CD5L: variants seen among roughly 807,000 people sequenced by gnomAD.
The protein encoded by CD5L is CD5 molecule like.
Under a neutral mutation model 40.8 loss-of-function variants are expected in CD5L, and 39 were observed. That is an observed-to-expected ratio of 0.96 (90% CI 0.74 to 1.25). The LOEUF is 1.25. Ranked by LOEUF, CD5L falls within the 50% of genes most tolerant of loss-of-function variation. The pLI is 0.00. For synonymous variants in CD5L, 192 were observed against 169.6 expected, an observed-to-expected ratio of 1.13 and a Z score of -1.03; for missense variants, 433 against 435.9, an observed-to-expected ratio of 0.99 and a Z score of 0.06.
At chr1:157,836,708 CCTAA>C (rs1403435045) in intron 2 of CD5L, among the ~76,000 whole-genome samples, 1 of 152,176 alleles carries the variant, frequency 6.6e-6, no homozygotes, top group African/African-American at 2.4e-5. Context: ...GGCTGAACAG[CCTAA>C]CTATCTCTCA....
chr1:157,831,231 C>G lies in CD5L; in HGVS notation c.*733G>C. On this transcript the variant is annotated 3_prime_UTR_variant, in exon 6 of 6. Transcript: ENST00000368174. ...TAAAATGTATTTTTGACATTCCTCTCATTAAATGTCAACCATGTTGGCAGG... is the reference window on the plus strand; with the variant it reads ...TAAAATGTATTTTTGACATTCCTCTGATTAAATGTCAACCATGTTGGCAGG... 2 of 985,090 alleles carry G rather than the reference C, an allele frequency of 2.0e-6. No homozygotes were observed. Among genetic ancestry groups the G allele is most frequent in the South Asian group, 4.7e-5 (1 of 21,274 alleles). 61.0% of individuals were successfully genotyped at this position (985,090 alleles called of 1,614,324 possible).
Position 157,833,256 on chromosome 1 carries a change from G to C in CD5L, c.975C>G (p.Cys325Trp), listed in dbSNP as rs1484414919. ...CSGEEQSLEQ[C>W]QHRFWGFHDC... Reference sequence around the variant, plus strand: ...CGTGAAACCCCCAAAATCTGTGCTGGCACTGCTCCAGGGACTGCTCCTCCC... The same window carrying C: ...CGTGAAACCCCCAAAATCTGTGCTGCCACTGCTCCAGGGACTGCTCCTCCC... Residue 325 changes from cysteine (C) to tryptophan (W), a missense_variant, in exon 5 of 6, where the codon TGC (cysteine) becomes TGG (tryptophan). Coordinates refer to ENST00000368174, the MANE Select transcript of CD5L (RefSeq NM_005894.3). 6.2e-7 allele frequency: 1 copy of C among 1,614,012 alleles called. No homozygotes were observed. The highest frequency in any genetic ancestry group is 8.5e-7 in the Non-Finnish European group (1 of 1,180,024).
In CD5L at chr1:157,838,553, T is replaced by C. The variant is rs190114482; in HGVS notation, c.55+831A>G. 2.7e-5 allele frequency among the ~76,000 whole-genome samples: 4 copies of C among 150,634 alleles called. No individual in the cohort carries two copies. The East Asian group carries it at 7.8e-4, about 29-fold the overall frequency. Reference sequence around the variant, plus strand: ...TAAAATAGCCATGGGAAAGAAGAAATAAATAAAAAATAAAAAACAAAAAAT... The same window carrying C: ...TAAAATAGCCATGGGAAAGAAGAAACAAATAAAAAATAAAAAACAAAAAAT... On this transcript the variant is annotated intron_variant, in intron 2 of 5. Coordinates refer to ENST00000368174, the MANE Select transcript of CD5L (RefSeq NM_005894.3).
In CD5L at chr1:157,840,280, C is replaced by G. The variant is rs562808268; in HGVS notation, c.29-870G>C. On this transcript the variant is annotated intron_variant, in intron 1 of 5. Transcript: ENST00000368174. ...TGCAGGATCTCTGTATATTTGGACTCCTTTCTCCATAAGGTCCCTCCTAAT... is the reference window on the plus strand; with the variant it reads ...TGCAGGATCTCTGTATATTTGGACTGCTTTCTCCATAAGGTCCCTCCTAAT... Among the ~76,000 whole-genome samples, 12 of 152,180 alleles carry G rather than the reference C, an allele frequency of 7.9e-5. No homozygotes were observed. The South Asian group carries it at 2.3e-3, about 29-fold the overall frequency.
chr1:157,835,290 G>A (rs1171133748), intron 3 of CD5L, among the ~76,000 whole-genome samples: 1 of 152,110 alleles, frequency 6.6e-6, no homozygotes, highest in African/African-American at 2.4e-5. Flanking sequence ...AAAGAGAAGA[G>A]ACTACTCATA....
intron 1 of CD5L, 71 bp from the exon 2 acceptor site, chr1:157,839,481 G>T: frequency 6.6e-7 from 1 of 1,515,918 alleles, no homozygotes; most frequent in Non-Finnish European, 9.1e-7. Context: ...ACTCTAGAAG[G>T]CCTTCACAGA....
rs1430112180 is a variant in CD5L, at chr1:157,841,233, T to C, written c.28+441A>G. ...TTAATCTCTAGATTACTCTAAGCAA[T>C]GAGAAACTGAAGAAAACTAGAAAAA... On this transcript the variant is annotated intron_variant, in intron 1 of 5. Transcript: ENST00000368174. Among the ~76,000 whole-genome samples, 22 of 152,260 alleles carry C rather than the reference T, an allele frequency of 1.4e-4. No individual in the cohort carries two copies. The East Asian group carries it at 3.9e-3, about 27-fold the overall frequency.
Position 157,831,887 on chromosome 1 carries a change from T to C in CD5L, c.*77A>G. 1 of 1,515,910 alleles carries C rather than the reference T, an allele frequency of 6.6e-7. No homozygotes were observed. The highest frequency in any genetic ancestry group is 2.4e-5 in the East Asian group (1 of 41,908). 93.9% of individuals were successfully genotyped at this position (1,515,910 alleles called of 1,614,324 possible). A position where few individuals can be genotyped will look rare whatever the true frequency, so the allele number is the denominator to read the frequency against. On this transcript the variant is annotated 3_prime_UTR_variant, in exon 6 of 6. Transcript: ENST00000368174. ...TCAAGCCTGAGCCCCAGAATGAGTATGAGGATAATCAGGGCTCAGGAGAAC... is the reference window on the plus strand; with the variant it reads ...TCAAGCCTGAGCCCCAGAATGAGTACGAGGATAATCAGGGCTCAGGAGAAC...
intron 5 of CD5L, among the ~76,000 whole-genome samples, chr1:157,832,199 A>C (rs934967365): frequency 2.6e-5 from 4 of 152,228 alleles, no homozygotes; most frequent in Non-Finnish European, 5.9e-5. Context: ...ATCTATCAAC[A>C]TATCTTATCC....
intron 2 of CD5L, among the ~76,000 whole-genome samples, chr1:157,839,053 C>G (rs1656294239): frequency 6.6e-6 from 1 of 152,182 alleles, no homozygotes; most frequent in Admixed American, 6.5e-5. Context: ...CAGGAAGAAA[C>G]CAAAAGGAAG....
At chr1:157,833,638 C>T in intron 4 of CD5L, 126 bp from the exon 5 acceptor site, 1 of 748,832 alleles carries the variant, frequency 1.3e-6, no homozygotes, top group Non-Finnish European at 2.1e-6. Flanking sequence ...CATCGTCTCA[C>T]TCTGTTGCCC....
chr1:157,829,866 A>T (rs1301319459), downstream of CD5L, among the ~76,000 whole-genome samples: 1 of 152,202 alleles, frequency 6.6e-6, no homozygotes, highest in Non-Finnish European at 1.5e-5. Flanking sequence ...AGAGGCAAGG[A>T]TGAGAAACCA....
At chr1:157,829,414 C>A (rs1323252270), downstream of CD5L, among the ~76,000 whole-genome samples, 5 of 152,234 alleles carry the variant, frequency 3.3e-5, no homozygotes, top group Non-Finnish European at 7.3e-5. Flanking sequence ...ATTTGCCTAT[C>A]TTCTATAACC....
chr1:157,828,869 A>G (rs1655971964), downstream of CD5L, among the ~76,000 whole-genome samples: 1 of 152,170 alleles, frequency 6.6e-6, no homozygotes, highest in South Asian at 2.1e-4. Flanking sequence ...TTTTCTTGGG[A>G]CTGAAGTCCT....
At position 157,834,591 on chromosome 1, in the gene CD5L, C is replaced by T; in HGVS notation, c.534G>A (p.Gln178=). The T allele has an allele frequency of 6.2e-7, 1 of 1,614,230 alleles. No individual in the cohort carries two copies. Among genetic ancestry groups the T allele is most frequent in the South Asian group, 1.1e-5 (1 of 91,086 alleles). Residue 178 remains glutamine, a synonymous_variant, in exon 4 of 6, where the codon CAG becomes CAA. Transcript: ENST00000368174. ...SLRAAKVVCR[Q]LGCGRAVLTQ... is the part of the protein sequence containing the mutation. ...TCAGTACAGCCCTCCCACATCCCAG[C>T]TGCCGGCACACCACCTTTGCGGCCC...
In CD5L at chr1:157,839,378, T is replaced by C. The variant is rs1459290753; in HGVS notation, c.55+6A>G. On this transcript the variant is annotated splice_donor_region_variant and intron_variant, in intron 2 of 5. Transcript: ENST00000368174. The stretch of plus-strand genomic sequence containing the variant: ...CCTCCCTCTCAGAAACCCCCAAAAA[T>C]CTTACCTAGGAATCCAGGTCTGGTG... The C allele has an allele frequency of 1.2e-6, 2 of 1,613,392 alleles. No individual in the cohort carries two copies. Among genetic ancestry groups the C allele is most frequent in the Non-Finnish European group, 1.7e-6 (2 of 1,179,810 alleles).
At position 157,831,828 on chromosome 1, in the gene CD5L, G is replaced by A. The variant is rs191326371; in HGVS notation, c.*136C>T. ...CCTGAGAGTAAGGCATAAGCCCAGT[G>A]TTCAGACTCCTGAGGGGATGAGGGA... On this transcript the variant is annotated 3_prime_UTR_variant, in exon 6 of 6. Coordinates refer to ENST00000368174, the MANE Select transcript of CD5L (RefSeq NM_005894.3). The A allele has an allele frequency of 5.6e-6, 8 of 1,417,032 alleles. No homozygotes were observed. The highest frequency in any genetic ancestry group is 7.4e-6 in the Non-Finnish European group (8 of 1,084,038). 87.8% of individuals were successfully genotyped at this position (1,417,032 alleles called of 1,614,324 possible).
Position 157,831,000 on chromosome 1 carries a change from A to G in CD5L, c.*964T>C, listed in dbSNP as rs778264829. ...AGTACTCAGCCTAGCCTCAGAATCT[A>G]AAGTTGTCAATTTTTACAATCAAGT... On this transcript the variant is annotated 3_prime_UTR_variant, in exon 6 of 6. Coordinates refer to ENST00000368174, the MANE Select transcript of CD5L (RefSeq NM_005894.3). 3.7e-4 allele frequency: 365 copies of G among 985,176 alleles called. 1 individual carries two copies. The highest frequency in any genetic ancestry group is 4.1e-4 in the Non-Finnish European group (338 of 829,832). The allele number at this position is 985,176 out of a possible 1,614,324, so 61.0% of individuals were successfully genotyped here. A position where few individuals can be genotyped will look rare whatever the true frequency, so the allele number is the denominator to read the frequency against.
downstream of CD5L, among the ~76,000 whole-genome samples, chr1:157,828,945 G>A (rs1325371622): frequency 6.6e-6 from 1 of 152,148 alleles, no homozygotes; most frequent in Non-Finnish European, 1.5e-5. Flanking sequence ...CCAAGCCCAG[G>A]CCACTCCTCT....
Sources: gnomAD v4.1 joint callset for allele counts (sites outside exome capture counted in the v4.1 genomes callset) on GRCh38, gnomAD v4.1.1 for gene constraint, MANE v1.5 for transcripts, NCBI Gene and HGNC (gene_info 2026-07-23, HGNC 2026-07-21) for gene names.